Variants in ATP2B2 observed in about 807,000 individuals in gnomAD.
ATP2B2 encodes plasma membrane calcium-transporting ATPase 2.
In ATP2B2, 15 loss-of-function variants were observed where a neutral mutation model predicts 120.0. The observed-to-expected ratio is 0.12, with a 90% CI of 0.08 to 0.19. ATP2B2 has a LOEUF of 0.19. Ranked by LOEUF, ATP2B2 falls within the 10% of genes least tolerant of loss-of-function variation. The pLI is 1.00. For missense variants in ATP2B2, 1,045 were observed against 1,719.8 expected (o/e 0.61, Z 6.94); for synonymous variants, 694 against 700.3 (o/e 0.99, Z 0.14).
chr3:10,484,808 C>T (rs1358889482), intron 1 of ATP2B2, among the ~76,000 whole-genome samples: 3 of 152,314 alleles, frequency 2.0e-5, no homozygotes, highest in Middle Eastern at 3.4e-3. Context: ...GGAAGAATCC[C>T]CTGAAGGAGA....
intron 1 of ATP2B2, among the ~76,000 whole-genome samples, chr3:10,451,717 C>G (rs891897016): frequency 6.6e-6 from 1 of 152,182 alleles, no homozygotes; most frequent in South Asian, 2.1e-4. Flanking sequence ...AGAAACTGCA[C>G]GCTTGGTGCT....
At position 10,468,113 on chromosome 3, in the gene ATP2B2, C is replaced by A. The variant is rs73018788; in HGVS notation, c.-319-18251G>T. ...GTGGAGATGCCAGGGAAGTGGGAGG[C>A]GGGGTTCTGGGGGAGATGGAAAGAC... is the stretch of plus-strand genomic sequence containing the variant. On this transcript the variant is annotated intron_variant, in intron 1 of 22. Coordinates refer to ENST00000360273, the MANE Select transcript of ATP2B2 (RefSeq NM_001001331.4). 3.9e-3 allele frequency among the ~76,000 whole-genome samples: 588 copies of A among 152,258 alleles called. 1 individual carries two copies. Among genetic ancestry groups the A allele is most frequent in the Non-Finnish European group, 6.7e-3 (457 of 68,002 alleles).
At chr3:10,687,366 T>G (rs1016880989) in intron 1 of ATP2B2, among the ~76,000 whole-genome samples, 9 of 152,138 alleles carry the variant, frequency 5.9e-5, no homozygotes, top group East Asian at 3.9e-4. Context: ...TATATTATCT[T>G]GGTGGGCTAA....
chr3:10,494,088 G>A (rs1053448966), intron 1 of ATP2B2, among the ~76,000 whole-genome samples: 4 of 152,172 alleles, frequency 2.6e-5, no homozygotes, highest in East Asian at 1.9e-4. Context: ...ACTTGGCAAC[G>A]GGGAGCACTG....
At chr3:10,526,469 C>T (rs1171473778) in intron 3 of ATP2B2, among the ~76,000 whole-genome samples, 1 of 152,192 alleles carries the variant, frequency 6.6e-6, no homozygotes, top group African/African-American at 2.4e-5. Context: ...TCAGAGATTT[C>T]CCTGGCCAGT....
At chr3:10,358,264 G>A (rs1363573262) in intron 14 of ATP2B2, among the ~76,000 whole-genome samples, 1 of 152,220 alleles carries the variant, frequency 6.6e-6, no homozygotes, top group East Asian at 1.9e-4. Context: ...TGAGTGCAAT[G>A]CCCTTGCTAT....
chr3:10,360,307 C>T (rs2060860897), intron 12 of ATP2B2, among the ~76,000 whole-genome samples, 184 bp from the exon 13 acceptor site: 1 of 152,206 alleles, frequency 6.6e-6, no homozygotes, highest in Non-Finnish European at 1.5e-5. Context: ...CCAGTCCTGA[C>T]TCCGGGTGAA....
intron 3 of ATP2B2, among the ~76,000 whole-genome samples, chr3:10,403,063 G>A (rs968293493): frequency 6.6e-6 from 1 of 151,924 alleles, no homozygotes; most frequent in African/African-American, 2.4e-5. Context: ...AGATGAGCTG[G>A]TTCTAATCCT....
chr3:10,640,113 G>T (rs1172894005), intron 1 of ATP2B2, among the ~76,000 whole-genome samples: 1 of 152,216 alleles, frequency 6.6e-6, no homozygotes, highest in Non-Finnish European at 1.5e-5. Context: ...GCCAGCACTG[G>T]GTGATGTTGT....
At chr3:10,417,021 GAT>G in intron 2 of ATP2B2, among the ~76,000 whole-genome samples, 1 of 146,462 alleles carries the variant, frequency 6.8e-6, no homozygotes, top group African/African-American at 2.6e-5. Context: ...TCACTTCCCA[GAT>G]AGGGCGGCAG....
At chr3:10,588,059 C>A (rs1166062779) in intron 2 of ATP2B2, among the ~76,000 whole-genome samples, 1 of 152,228 alleles carries the variant, frequency 6.6e-6, no homozygotes, top group Non-Finnish European at 1.5e-5. Context: ...TTTACTTATT[C>A]ATGGATAGAA....
chr3:10,674,899 T>C (rs901598843), intron 1 of ATP2B2, among the ~76,000 whole-genome samples: 4 of 152,266 alleles, frequency 2.6e-5, no homozygotes, highest in African/African-American at 9.6e-5. Context: ...GTTGTGCTGA[T>C]ATCTTTAAAG....
intron 2 of ATP2B2, among the ~76,000 whole-genome samples, chr3:10,574,360 G>A (rs1300382210): frequency 6.6e-6 from 1 of 152,218 alleles, no homozygotes; most frequent in African/African-American, 2.4e-5. Context: ...CAGCAGTGGT[G>A]ATGGCTGTTT....
At chr3:10,534,690 G>C (rs2067274420) in intron 2 of ATP2B2, among the ~76,000 whole-genome samples, 1 of 152,026 alleles carries the variant, frequency 6.6e-6, no homozygotes, top group Admixed American at 6.6e-5. Context: ...TAAATTTCCT[G>C]AGCCTCCTTT....
intron 1 of ATP2B2, among the ~76,000 whole-genome samples, chr3:10,678,214 G>A (rs2071291713): frequency 6.6e-6 from 1 of 152,172 alleles, no homozygotes; most frequent in Non-Finnish European, 1.5e-5. Flanking sequence ...AATATGTATT[G>A]CTTTTATAAT....
At chr3:10,487,890 G>A (rs755978826) in intron 1 of ATP2B2, among the ~76,000 whole-genome samples, 11 of 152,078 alleles carry the variant, frequency 7.2e-5, no homozygotes, top group Non-Finnish European at 1.3e-4. Flanking sequence ...TCTGGCAATC[G>A]AAGTCCACTT....
At chr3:10,471,034 GGGCCA>G (rs759336626) in intron 1 of ATP2B2, among the ~76,000 whole-genome samples, 1 of 152,214 alleles carries the variant, frequency 6.6e-6, no homozygotes, top group Non-Finnish European at 1.5e-5. Flanking sequence ...GTTGTTCTCT[GGGCCA>G]GGCCAGGCAC....
intron 1 of ATP2B2, among the ~76,000 whole-genome samples, chr3:10,459,024 T>G (rs542917336): frequency 6.6e-6 from 1 of 152,308 alleles, no homozygotes; most frequent in South Asian, 2.1e-4. Context: ...CATGCACAGT[T>G]CCCAGGGCTT....
chr3:10,676,959 G>A lies in ATP2B2; in HGVS notation c.-460+30956C>T, dbSNP rs1489172649. Among the ~76,000 whole-genome samples the A allele has an allele frequency of 5.9e-5, 9 of 152,202 alleles. No homozygotes were observed. In the East Asian group the frequency reaches 1.7e-3, roughly 29 times the overall value. On this transcript the variant is annotated intron_variant, in intron 1 of 21. Transcript: ENST00000646379. ...CAACAGGAACTCTCATTCACTGCTTGTGGGGATGCAAAATGATGCAGCCAC... is the reference window on the plus strand; with the variant it reads ...CAACAGGAACTCTCATTCACTGCTTATGGGGATGCAAAATGATGCAGCCAC...
Sources: allele counts gnomAD v4.1 joint callset (sites outside exome capture counted in the v4.1 genomes callset), GRCh38; gene constraint gnomAD v4.1.1; transcripts MANE v1.5; gene names NCBI Gene and HGNC (gene_info 2026-07-23, HGNC 2026-07-21).